ZNF423: variants seen among roughly 807,000 people sequenced by gnomAD.
ZNF423 encodes the protein zinc finger protein 423.
A neutral mutation model predicts 95.8 loss-of-function variants in ZNF423; 12 were observed. The observed-to-expected ratio is 0.13, with a 90% CI of 0.08 to 0.20. The LOEUF is 0.20. ZNF423 is among the 10% of genes least tolerant of loss of function. The probability of loss-of-function intolerance (pLI) is 1.00; values close to 1 mark genes in which losing one functional copy is unlikely to be tolerated. For synonymous variants in ZNF423, 749 were observed against 711.9 expected (o/e 1.05, Z -0.83); for missense variants, 1,316 against 1,737.1 (o/e 0.76, Z 4.31).
At chr16:49,649,226 G>C (rs1170290441) in intron 3 of ZNF423, among the ~76,000 whole-genome samples, 5 of 152,190 alleles carry the variant, frequency 3.3e-5, no homozygotes, top group African/African-American at 1.2e-4. Context: ...AGCCATAGTG[G>C]ATGAGATCAC....
chr16:49,515,376 G>C (rs1476069958), intron 7 of ZNF423, among the ~76,000 whole-genome samples: 1 of 152,250 alleles, frequency 6.6e-6, no homozygotes, highest in East Asian at 1.9e-4. Flanking sequence ...TTATAGTTCA[G>C]CACTGCAGGC....
rs560320776 is a variant in ZNF423 at position 49,571,504 on chromosome 16, A to T, written c.3602-46010T>A. Among the ~76,000 whole-genome samples the T allele has an allele frequency of 2.6e-5, 4 of 152,266 alleles. No homozygotes were observed. In the East Asian group the frequency reaches 5.8e-4, roughly 22 times the overall value. The stretch of plus-strand genomic sequence containing the variant: ...AGCATGCACAAAGGCCTGTGGCTGG[A>T]ATGCAGAGTGAGGGGCAAGTGTCAG... On this transcript the variant is annotated intron_variant, in intron 5 of 7. Coordinates refer to ENST00000563137, the MANE Select transcript of ZNF423 (RefSeq NM_001379286.1).
chr16:49,531,906 C>A (rs1567448225), intron 5 of ZNF423, among the ~76,000 whole-genome samples: 3 of 152,136 alleles, frequency 2.0e-5, no homozygotes, highest in Admixed American at 1.3e-4. Context: ...GAGTCTCAGG[C>A]CTGCCCCAGA....
chr16:49,602,983 C>T (rs1299770750), intron 5 of ZNF423, among the ~76,000 whole-genome samples: 1 of 152,338 alleles, frequency 6.6e-6, no homozygotes, highest in African/African-American at 2.4e-5. Flanking sequence ...GCAGCGCCCG[C>T]GTGGAGCCCT....
intron 5 of ZNF423, among the ~76,000 whole-genome samples, chr16:49,604,719 C>A (rs1384785334): frequency 6.6e-6 from 1 of 152,080 alleles, no homozygotes; most frequent in South Asian, 2.1e-4. Context: ...AACCTGAGAT[C>A]CTTCTCCCAT....
chr16:49,513,635 A>G (rs1967991095), intron 7 of ZNF423, among the ~76,000 whole-genome samples: 1 of 90,248 alleles, frequency 1.1e-5, no homozygotes, highest in Non-Finnish European at 2.5e-5. Flanking sequence ...ACATATGGGG[A>G]TGGATGGATG....
chr16:49,523,821 G>A, intron 6 of ZNF423, 82 bp from the exon 7 acceptor site: 1 of 1,127,310 alleles, frequency 8.9e-7, no homozygotes, highest in South Asian at 1.3e-5. Context: ...AACACTCGCA[G>A]GCAGGGATCA....
intron 3 of ZNF423, among the ~76,000 whole-genome samples, chr16:49,669,757 G>A (rs2030721373): frequency 1.3e-5 from 2 of 151,946 alleles, no homozygotes; most frequent in South Asian, 4.2e-4. Context: ...GCCCAGCTGG[G>A]CTGGGAAATC....
At chr16:49,794,606 G>GTCAC (rs2034470453) in intron 1 of ZNF423, among the ~76,000 whole-genome samples, 1 of 152,196 alleles carries the variant, frequency 6.6e-6, no homozygotes, top group South Asian at 2.1e-4. Context: ...AAAGGCTCTG[G>GTCAC]AGTGGCCCAG....
intron 7 of ZNF423, among the ~76,000 whole-genome samples, chr16:49,503,114 C>T (rs1262242318): frequency 6.6e-6 from 1 of 152,040 alleles, no homozygotes; most frequent in Admixed American, 6.5e-5. Flanking sequence ...CCATGTAGTG[C>T]TAAGCGGTCA....
At chr16:49,762,405 C>G (rs1056870328) in intron 2 of ZNF423, among the ~76,000 whole-genome samples, 2 of 152,218 alleles carry the variant, frequency 1.3e-5, no homozygotes, top group Non-Finnish European at 2.9e-5. Context: ...ATGCCCCACA[C>G]AGAAGCCTGT....
chr16:49,826,712 C>T (rs2035008967), intron 1 of ZNF423: 1 of 152,192 alleles, frequency 6.6e-6, no homozygotes, highest in South Asian at 2.1e-4. Context: ...GAACTATCAG[C>T]CTGAAAGTGA....
intron 5 of ZNF423, among the ~76,000 whole-genome samples, chr16:49,579,098 C>T (rs1381293917): frequency 6.6e-6 from 1 of 152,156 alleles, no homozygotes; most frequent in Non-Finnish European, 1.5e-5. Context: ...TGGATGGATT[C>T]AACTAGTTGT....
chr16:49,697,725 G>C (rs976564716), intron 3 of ZNF423, among the ~76,000 whole-genome samples: 58 of 152,218 alleles, frequency 3.8e-4, no homozygotes, highest in Admixed American at 3.8e-3. Context: ...AGAGTTGTGC[G>C]TTCACGCGTG....
chr16:49,804,590 C>A (rs2034633137), intron 1 of ZNF423, among the ~76,000 whole-genome samples: 1 of 152,138 alleles, frequency 6.6e-6, no homozygotes, highest in Admixed American at 6.5e-5. Context: ...AAGGCCACCT[C>A]CTCTCCTGGT....
rs148732968 is a variant in ZNF423, at chr16:49,637,060, C to T, written c.2116G>A (p.Asp706Asn). 8.7e-6 allele frequency: 14 copies of T among 1,613,726 alleles called. No individual in the cohort carries two copies. Among genetic ancestry groups the T allele is most frequent in the African/African-American group, 1.3e-5 (1 of 74,928 alleles). The change falls in exon 4 of 8, where the codon GAC becomes AAC. Residue 706 changes from aspartate to asparagine, a missense_variant. Around this residue, in one of 6 missense-constraint regions of ZNF423, gnomAD observed 620 missense variants for 775.6 expected, o/e 0.80. Transcript: ENST00000563137. This position sits in a 1 kb window ranked among gnomAD's most constrained non-coding sequence, Gnocchi z 5.6. ...TSTHYVCESC[D>N]KQFSSVDDLQ... ...TCATCCACCGAGGAAAATTGCTTGT[C>T]GCAGCTCTCGCACACATAGTGGGTC...
At chr16:49,798,613 T>C (rs2034535156) in intron 1 of ZNF423, among the ~76,000 whole-genome samples, 1 of 152,232 alleles carries the variant, frequency 6.6e-6, no homozygotes, top group South Asian at 2.1e-4. Context: ...ACATACAATT[T>C]TTTTTAAAAA....
chr16:49,515,742 A>T (rs118098630), intron 7 of ZNF423, among the ~76,000 whole-genome samples: 1,741 of 152,250 alleles, frequency 0.011, 8 homozygotes, highest in Non-Finnish European at 0.018. Context: ...GCCGCATATG[A>T]CCCTCATGCA....
chr16:49,491,173 T>C lies in ZNF423; in HGVS notation c.*102A>G. ...GGCCAAATCATTAGAGTTTTACATC[T>C]GGGTTGCAAATGACACTTTGATTGG... On this transcript the variant is annotated 3_prime_UTR_variant, in exon 8 of 8. Transcript: ENST00000563137. 2 of 1,397,090 alleles carry C rather than the reference T, an allele frequency of 1.4e-6. No homozygotes were observed. 86.5% of individuals were successfully genotyped at this position (1,397,090 alleles called of 1,614,324 possible). A position where few individuals can be genotyped will look rare whatever the true frequency, so the allele number is the denominator to read the frequency against.
Sources: gnomAD v4.1 joint callset for allele counts (sites outside exome capture counted in the v4.1 genomes callset) on GRCh38, gnomAD v4.1.1 for gene constraint, gnomAD v4.1.1 regional missense constraint, Gnocchi (gnomAD v3.1) non-coding constraint, MANE v1.5 for transcripts, NCBI Gene and HGNC (gene_info 2026-07-23, HGNC 2026-07-21) for gene names.